Variants in MMS22L observed in about 807,000 individuals in gnomAD.
MMS22L encodes the protein MMS22 like, DNA repair protein.
A neutral mutation model predicts 159.1 loss-of-function variants in MMS22L; 74 were observed. The observed-to-expected ratio is 0.47, with a 90% CI of 0.39 to 0.56. MMS22L has a LOEUF of 0.56. Among genes scored for constraint, MMS22L ranks in the 20% least tolerant of loss-of-function variants. The pLI, the probability that MMS22L is intolerant of heterozygous loss-of-function variation, is 0.00. For missense variants in MMS22L, 1,351 were observed against 1,422.1 expected (o/e 0.95, Z 0.80); for synonymous variants, 517 against 506.9 (o/e 1.02, Z -0.27).
chr6:97,238,139 C>A (rs1185015186), intron 11 of MMS22L, among the ~76,000 whole-genome samples: 2 of 152,154 alleles, frequency 1.3e-5, no homozygotes, highest in African/African-American at 4.8e-5. Context: ...ACATTCTGGG[C>A]CTCAGTCTGT....
intron 1 of MMS22L, 34 bp downstream of exon 1, chr6:97,283,062 C>A (rs1195717637): frequency 6.6e-6 from 1 of 152,306 alleles, no homozygotes; most frequent in Non-Finnish European, 1.5e-5. Flanking sequence ...CAGCAAGGAC[C>A]CGGGGCGTCG....
In MMS22L at chr6:97,142,460, A is replaced by G. The variant is rs1800684264; in HGVS notation, c.*4346T>C. 2.0e-5 allele frequency: 3 copies of G among 152,536 alleles called. No homozygotes were observed. Among genetic ancestry groups the G allele is most frequent in the African/African-American group, 7.2e-5 (3 of 41,466 alleles). The allele number at this position is 152,536 out of a possible 1,614,324, so 9.4% of individuals were successfully genotyped here. The stretch of plus-strand genomic sequence containing the variant: ...AACTGTTTCTAACCAAATAAAGCAT[A>G]TTATTTATATTGGCATACTATACTC... On this transcript the variant is annotated 3_prime_UTR_variant, in exon 25 of 25. Coordinates refer to ENST00000683635, the MANE Select transcript of MMS22L (RefSeq NM_001350599.2).
rs1333374145 is a variant in MMS22L, at chr6:97,229,348, G to C, written c.1585C>G (p.Gln529Glu). Residue 529 changes from glutamine to glutamate, a missense_variant, in exon 14 of 25, where the codon CAG becomes GAG. By Grantham distance (29) the Gln-to-Glu change is conservative. Transcript: ENST00000683635. Reference protein sequence around the residue: ...RMEELTEVGLQNFFSLFLLLA... With the variant: ...RMEELTEVGLENFFSLFLLLA... ...AGTAGAAAAAGGCTAAAAAAGTTCT[G>C]TAGACCAACTTCAGTTAGTTCTTCC... is the stretch of plus-strand genomic sequence containing the variant. The C allele has an allele frequency of 6.2e-7, 1 of 1,608,386 alleles. No homozygotes were observed. Among genetic ancestry groups the C allele is most frequent in the South Asian group, 1.1e-5 (1 of 90,296 alleles).
chr6:97,232,107 TAG>T (rs1810938957), intron 12 of MMS22L, among the ~76,000 whole-genome samples: 1 of 152,176 alleles, frequency 6.6e-6, no homozygotes, highest in African/African-American at 2.4e-5. Flanking sequence ...TGGCTATATC[TAG>T]AGGTTTCATC....
intron 18 of MMS22L, among the ~76,000 whole-genome samples, chr6:97,176,108 T>C (rs191440620): frequency 5.9e-4 from 90 of 152,326 alleles, no homozygotes; most frequent in Non-Finnish European, 9.1e-4. Context: ...TACTGCTTCA[T>C]TGAAGATATT....
chr6:97,229,990 A>G (rs1209213184), intron 13 of MMS22L, among the ~76,000 whole-genome samples: 3 of 152,224 alleles, frequency 2.0e-5, no homozygotes, highest in African/African-American at 7.2e-5. Context: ...ATAGTACAAT[A>G]GATAATATAG....
intron 18 of MMS22L, among the ~76,000 whole-genome samples, chr6:97,176,330 T>C (rs954864588): frequency 2.6e-5 from 4 of 152,056 alleles, no homozygotes; most frequent in Non-Finnish European, 5.9e-5. Context: ...TTCTCAATAT[T>C]GCTCTATGCT....
chr6:97,182,129 T>G, intron 15 of MMS22L, 75 bp from the exon 16 acceptor site: 2 of 1,190,320 alleles, frequency 1.7e-6, no homozygotes, highest in Non-Finnish European at 2.3e-6. Flanking sequence ...CCCTGGCCAA[T>G]TATAACAAGT....
Position 97,246,568 on chromosome 6 carries a change from T to A in MMS22L, c.1182+60A>T, listed in dbSNP as rs1582776130. 7 of 1,399,158 alleles carry A rather than the reference T, an allele frequency of 5.0e-6. No individual in the cohort carries two copies. In the East Asian group the frequency reaches 1.7e-4, roughly 33 times the overall value. 86.7% of individuals were successfully genotyped at this position (1,399,158 alleles called of 1,614,324 possible). The stretch of plus-strand genomic sequence containing the variant: ...TTAACAGCTTGCTTGGTTTTAAAAA[T>A]AAAATTTGTAACATAAAAATTAAGC... On this transcript the variant is annotated intron_variant, in intron 11 of 24. Coordinates refer to ENST00000683635, the MANE Select transcript of MMS22L (RefSeq NM_001350599.2).
At chr6:97,195,966 A>G (rs1806453075) in intron 14 of MMS22L, among the ~76,000 whole-genome samples, 1 of 152,206 alleles carries the variant, frequency 6.6e-6, no homozygotes, top group Admixed American at 6.5e-5. Flanking sequence ...AAAAACTGAA[A>G]GTTACGAGGG....
chr6:97,231,311 T>A (rs1298564951), intron 13 of MMS22L, 115 bp downstream of exon 13: 8 of 722,250 alleles, frequency 1.1e-5, no homozygotes, highest in Non-Finnish European at 1.9e-5. Context: ...ATGGATTACC[T>A]AGTAACATTA....
chr6:97,262,617 C>T (rs1044118064), intron 9 of MMS22L, among the ~76,000 whole-genome samples: 2 of 132,536 alleles, frequency 1.5e-5, no homozygotes, highest in African/African-American at 5.8e-5. Flanking sequence ...GTGGAGGCTG[C>T]AGTGAGCACT....
rs190465889 is a variant in MMS22L at position 97,252,460 on chromosome 6, C to A, written c.1119+2097G>T. Among the ~76,000 whole-genome samples, 178 of 152,000 alleles carry A rather than the reference C, an allele frequency of 1.2e-3. 1 individual carries two copies. Among genetic ancestry groups the A allele is most frequent in the African/African-American group, 4.1e-3 (169 of 41,440 alleles). On this transcript the variant is annotated intron_variant, in intron 10 of 24. Coordinates refer to ENST00000683635, the MANE Select transcript of MMS22L (RefSeq NM_001350599.2). ...AGGAGTTCGAAACCAGCCTGGCCAA[C>A]ATGGTGAAACCCCATCTCTACTAAA...
intron 4 of MMS22L, among the ~76,000 whole-genome samples, chr6:97,276,674 TA>T (rs1180271848): frequency 2.0e-5 from 3 of 152,236 alleles, no homozygotes; most frequent in African/African-American, 7.2e-5. Context: ...TATACAGTTT[TA>T]TTTTTTTCTG....
chr6:97,254,580 G>C lies in MMS22L; in HGVS notation c.1096C>G (p.Arg366Gly), dbSNP rs773047071. 6.2e-7 allele frequency: 1 copy of C among 1,612,972 alleles called. No homozygotes were observed. The highest frequency in any genetic ancestry group is 1.3e-5 in the African/African-American group (1 of 74,856). Residue 366 changes from arginine to glycine, a missense_variant, in exon 10 of 25, where the codon CGC (arginine) becomes GGC (glycine). Physicochemically the swap from Arg to Gly is moderately radical, Grantham distance 125 (BLOSUM62 -2). Coordinates refer to ENST00000683635, the MANE Select transcript of MMS22L (RefSeq NM_001350599.2). Reference sequence around the variant, plus strand: ...ACCATTTCATCTGGTACTCCATGGCGATCAAACTTGTAAAATGATGCTACA... The same window carrying C: ...ACCATTTCATCTGGTACTCCATGGCCATCAAACTTGTAAAATGATGCTACA... Reference protein sequence around the residue: ...THVASFYKFDRHGVPDEMRKV... With the variant: ...THVASFYKFDGHGVPDEMRKV...
intron 11 of MMS22L, among the ~76,000 whole-genome samples, chr6:97,243,711 C>T (rs905912947): frequency 6.6e-6 from 1 of 152,042 alleles, no homozygotes; most frequent in African/African-American, 2.4e-5. Flanking sequence ...TTTGGATAGA[C>T]CATATCCAGA....
chr6:97,224,678 T>C (rs1234857753), intron 14 of MMS22L, among the ~76,000 whole-genome samples: 1 of 151,554 alleles, frequency 6.6e-6, no homozygotes, highest in Non-Finnish European at 1.5e-5. Context: ...ATACAAATAG[T>C]GGTAATAATT....
chr6:97,153,804 GC>G (rs1272273596), intron 22 of MMS22L, among the ~76,000 whole-genome samples: 2 of 152,054 alleles, frequency 1.3e-5, no homozygotes, highest in Non-Finnish European at 2.9e-5. Flanking sequence ...AGTACTTCAT[GC>G]TTTTTTATAG....
chr6:97,146,984 C>CATTTTGGT, intron 24 of MMS22L, 97 bp from the exon 25 acceptor site: 1 of 785,632 alleles, frequency 1.3e-6, no homozygotes, highest in Admixed American at 3.0e-5. Context: ...ATCCATCCAT[C>CATTTTGGT]CATCTATTCA....
Sources: allele counts gnomAD v4.1 joint callset (sites outside exome capture counted in the v4.1 genomes callset), GRCh38; gene constraint gnomAD v4.1.1; transcripts MANE v1.5; gene names NCBI Gene and HGNC (gene_info 2026-07-23, HGNC 2026-07-21).